ALPP: variants seen among roughly 807,000 people sequenced by gnomAD.
The protein encoded by ALPP is alkaline phosphatase, placental.
Under a neutral mutation model 50.7 loss-of-function variants are expected in ALPP, and 39 were observed. The observed-to-expected ratio is 0.77, with a 90% CI of 0.60 to 1.00. ALPP has a LOEUF of 1.00. Among genes scored for constraint, ALPP ranks in the 50% least tolerant of loss-of-function variants. The pLI is 0.00. For missense variants in ALPP, 550 were observed against 746.8 expected (o/e 0.74, Z 3.07); for synonymous variants, 226 against 320.3 (o/e 0.71, Z 3.14).
At position 232,379,217 on chromosome 2, in the gene ALPP, G is replaced by A; in HGVS notation, c.211G>A (p.Val71Met). ...FLGDGMGVST[V>M]TAARILKGQK... Reference sequence around the variant, plus strand: ...TCCTTCAGGGATGGGGGTGTCTACGGTGACAGCTGCCAGGATCCTAAAAGG... The same window carrying A: ...TCCTTCAGGGATGGGGGTGTCTACGATGACAGCTGCCAGGATCCTAAAAGG... Residue 71 changes from valine to methionine, a missense_variant, in exon 3 of 11, where the codon GTG becomes ATG. Transcript: ENST00000392027. The A allele has an allele frequency of 6.2e-7, 1 of 1,614,098 alleles. No individual in the cohort carries two copies. The highest frequency in any genetic ancestry group is 8.5e-7 in the Non-Finnish European group (1 of 1,180,012).
chr2:232,382,005 A>C lies in ALPP; in HGVS notation c.*210A>C. On this transcript the variant is annotated 3_prime_UTR_variant, in exon 11 of 11. Transcript: ENST00000392027. ...TGGCTGCTCTCGGACTCCCTACCCC[A>C]ACCCCAGGGACTGCAGGTTGTGCCC... 2.4e-6 allele frequency: 2 copies of C among 822,500 alleles called. No homozygotes were observed. Among genetic ancestry groups the C allele is most frequent in the Non-Finnish European group, 3.7e-6 (2 of 543,418 alleles). The allele number at this position is 822,500 out of a possible 1,614,324, so 51.0% of individuals were successfully genotyped here.
At position 232,382,326 on chromosome 2, in the gene ALPP, CACCCCTGT is replaced by C. The variant is rs1696733854; in HGVS notation, c.*537_*544del. 6.2e-6 allele frequency: 1 copy of C among 161,448 alleles called. No individual in the cohort carries two copies. Among genetic ancestry groups the C allele is most frequent in the African/African-American group, 2.4e-5 (1 of 41,504 alleles). The allele number at this position is 161,448 out of a possible 1,614,324, so 10.0% of individuals were successfully genotyped here. The stretch of plus-strand genomic sequence containing the variant: ...GCTGCCCCCCACTAAGCTAATTCCA[CACCCCTGT>C]ACCCCCCCAGGGGGCCCTCTGCCTC... On this transcript the variant is annotated 3_prime_UTR_variant, in exon 11 of 11. Coordinates refer to ENST00000392027, the MANE Select transcript of ALPP (RefSeq NM_001632.5).
rs553983826 is a variant in ALPP at position 232,381,638 on chromosome 2, T to A, written c.1451T>A (p.Met484Lys). The change falls in exon 11 of 11, where the codon ATG becomes AAG. Residue 484 changes from methionine to lysine, a missense_variant. By Grantham distance (95) the Met-to-Lys change is moderately conservative. Transcript: ENST00000392027. ...VQEQTFIAHV[M>K]AFAACLEPYT... is the part of the protein sequence containing the mutation. ...GAGCAGACCTTCATAGCGCACGTCA[T>A]GGCCTTCGCCGCCTGCCTGGAGCCC... The A allele has an allele frequency of 1.2e-6, 2 of 1,611,924 alleles. No individual in the cohort carries two copies. Among genetic ancestry groups the A allele is most frequent in the Non-Finnish European group, 1.7e-6 (2 of 1,179,470 alleles).
rs542651128 is a variant in ALPP, at chr2:232,379,941, G to A, written c.657+5G>A. On this transcript the variant is annotated splice_donor_5th_base_variant and intron_variant, in intron 5 of 10. Transcript: ENST00000392027. ...ATCTCCAACATGGACATTGACGTGCGACCCCCAGGCCAAGGGCTGGGGCTG... is the reference window on the plus strand; with the variant it reads ...ATCTCCAACATGGACATTGACGTGCAACCCCCAGGCCAAGGGCTGGGGCTG... 18 of 1,600,568 alleles carry A rather than the reference G, an allele frequency of 1.1e-5. No homozygotes were observed. Among genetic ancestry groups the A allele is most frequent in the East Asian group, 6.7e-5 (3 of 44,808 alleles).
rs1375318458 is a variant in ALPP at position 232,381,850 on chromosome 2, C to T, written c.*55C>T. On this transcript the variant is annotated 3_prime_UTR_variant, in exon 11 of 11. Coordinates refer to ENST00000392027, the MANE Select transcript of ALPP (RefSeq NM_001632.5). ...CATCCCGGAGTTCTCCTGCTCCCCA[C>T]CTCCTGTCGTCCTGCCTGGCCTCCA... is the stretch of plus-strand genomic sequence containing the variant. 3 of 1,511,866 alleles carry T rather than the reference C, an allele frequency of 2.0e-6. No homozygotes were observed. Among genetic ancestry groups the T allele is most frequent in the African/African-American group, 1.4e-5 (1 of 72,858 alleles). 93.7% of individuals were successfully genotyped at this position (1,511,866 alleles called of 1,614,324 possible).
chr2:232,380,482 C>A lies in ALPP; in HGVS notation c.855C>A (p.Thr285=), dbSNP rs372368625. ...LMQASLDPSV[T]HLMGLFEPGD... is the part of the protein sequence containing the mutation. ...AGGCTTCCCTGGACCCGTCTGTGAC[C>A]CATCTCATGGGTAATGACCCCCTTC... Residue 285 remains threonine (T), a synonymous_variant, in exon 7 of 11, where the codon ACC becomes ACA. Coordinates refer to ENST00000392027, the MANE Select transcript of ALPP (RefSeq NM_001632.5). 1.9e-6 allele frequency: 3 copies of A among 1,613,952 alleles called. No homozygotes were observed. The highest frequency in any genetic ancestry group is 2.5e-6 in the Non-Finnish European group (3 of 1,179,976).
Position 232,381,358 on chromosome 2 carries a change from A to G in ALPP, c.1300A>G (p.Ser434Gly). 1 of 1,614,138 alleles carries G rather than the reference A, an allele frequency of 6.2e-7. No homozygotes were observed. The highest frequency in any genetic ancestry group is 8.5e-7 in the Non-Finnish European group (1 of 1,180,024). Reference sequence around the variant, plus strand: ...CGGCGCCCGGCCGGATGTTACCGAGAGCGAGAGCGGTGAGTGCCGCGGGGT... The same window carrying G: ...CGGCGCCCGGCCGGATGTTACCGAGGGCGAGAGCGGTGAGTGCCGCGGGGT... ...KDGARPDVTE[S>G]ESGSPEYRQQ... The change falls in exon 10 of 11, where the codon AGC becomes GGC. Residue 434 changes from serine (S) to glycine (G), a missense_variant. This residue lies in a region of ALPP where 155 missense variants were observed against 167.6 expected (regional missense o/e 0.92). Transcript: ENST00000392027.
chr2:232,382,694 T>C lies in ALPP; in HGVS notation c.*899T>C, dbSNP rs564500599. 1.3e-5 allele frequency: 2 copies of C among 152,252 alleles called. No homozygotes were observed. Among genetic ancestry groups the C allele is most frequent in the South Asian group, 4.2e-4 (2 of 4,780 alleles). The allele number at this position is 152,252 out of a possible 1,614,324, so 9.4% of individuals were successfully genotyped here. A position where few individuals can be genotyped will look rare whatever the true frequency, so the allele number is the denominator to read the frequency against. ...CTGGCTAACACGGTGAAACCCCTTA[T>C]CTATGCGCCTGTAGTCCCAGCTACC... On this transcript the variant is annotated 3_prime_UTR_variant, in exon 11 of 11. Coordinates refer to ENST00000392027, the MANE Select transcript of ALPP (RefSeq NM_001632.5).
chr2:232,380,024 C>A lies in ALPP; in HGVS notation c.657+88C>A, dbSNP rs1234263298. 31 of 1,561,560 alleles carry A rather than the reference C, an allele frequency of 2.0e-5. 1 individual carries two copies. Among genetic ancestry groups the A allele is most frequent in the South Asian group, 1.7e-4 (14 of 81,448 alleles). On this transcript the variant is annotated intron_variant, in intron 5 of 10. Coordinates refer to ENST00000392027, the MANE Select transcript of ALPP (RefSeq NM_001632.5). ...AGACCCAGGCAACCAAAAGCCTTAT[C>A]TGGGCCAGCAGGGTCTGGAGGTGGG...
Position 232,379,865 on chromosome 2 carries a change from G to C in ALPP, c.586G>C (p.Val196Leu). 6.2e-7 allele frequency: 1 copy of C among 1,613,430 alleles called. No homozygotes were observed. Among genetic ancestry groups the C allele is most frequent in the East Asian group, 2.2e-5 (1 of 44,878 alleles). The change falls in exon 5 of 11, where the codon GTG becomes CTG. Residue 196 changes from valine (V) to leucine (L), a missense_variant. Coordinates refer to ENST00000392027, the MANE Select transcript of ALPP (RefSeq NM_001632.5). ...VNRNWYSDAD[V>L]PASARQEGCQ... ...CCGCAACTGGTACTCGGACGCCGAC[G>C]TGCCTGCCTCCGCCCGCCAGGAGGG... is the stretch of plus-strand genomic sequence containing the variant.
rs769343079 is a variant in ALPP at position 232,381,675 on chromosome 2, C to A, written c.1488C>A (p.Cys496Ter). Residue 496 changes from cysteine to a stop codon, truncating the protein, a stop_gained, in exon 11 of 11, where the codon TGC (cysteine) becomes TGA (stop). Transcript: ENST00000392027. LOFTEE classifies it low-confidence loss of function (END_TRUNC). ...FAACLEPYTA[C>*]DLAPPAGTTD... Reference sequence around the variant, plus strand: ...CCTGCCTGGAGCCCTACACCGCCTGCGACCTGGCGCCCCCCGCCGGCACCA... The same window carrying A: ...CCTGCCTGGAGCCCTACACCGCCTGAGACCTGGCGCCCCCCGCCGGCACCA... 1.2e-6 allele frequency: 2 copies of A among 1,609,132 alleles called. No individual in the cohort carries two copies. Among genetic ancestry groups the A allele is most frequent in the Non-Finnish European group, 1.7e-6 (2 of 1,178,574 alleles).
At chr2:232,381,442 C>G in intron 10 of ALPP, 55 bp from the exon 11 acceptor site, 1 of 1,612,328 alleles carries the variant, frequency 6.2e-7, no homozygotes, top group East Asian at 2.2e-5. Flanking sequence ...GGGGTCACCT[C>G]CTGTCTGCCT....
chr2:232,380,066 G>A (rs1164038690), intron 5 of ALPP, 120 bp from the exon 6 acceptor site: 18 of 1,575,702 alleles, frequency 1.1e-5, no homozygotes, highest in Non-Finnish European at 1.4e-5. Context: ...GGCGTAGAAG[G>A]TGCAGCCCAG....
Position 232,381,972 on chromosome 2 carries a change from C to A in ALPP, c.*177C>A. 9.2e-7 allele frequency: 1 copy of A among 1,081,400 alleles called. No homozygotes were observed. Among genetic ancestry groups the A allele is most frequent in the Non-Finnish European group, 1.3e-6 (1 of 777,178 alleles). 67.0% of individuals were successfully genotyped at this position (1,081,400 alleles called of 1,614,324 possible). On this transcript the variant is annotated 3_prime_UTR_variant, in exon 11 of 11. Transcript: ENST00000392027. ...GGGGACTGAGCCCATGACACCAAAC[C>A]TGCCCCTTGGCTGCTCTCGGACTCC...
intron 9 of ALPP, 75 bp from the exon 10 acceptor site, chr2:232,381,176 C>T (rs1696702474): frequency 6.2e-7 from 1 of 1,607,410 alleles, no homozygotes; most frequent in Non-Finnish European, 8.5e-7. Flanking sequence ...CCAGGCAAAA[C>T]GTGGCGGTGC....
At position 232,381,758 on chromosome 2, in the gene ALPP, G is replaced by A. The variant is rs1331990478; in HGVS notation, c.1571G>A (p.Gly524Glu). 11 of 1,591,826 alleles carry A rather than the reference G, an allele frequency of 6.9e-6. 1 individual carries two copies. Among genetic ancestry groups the A allele is most frequent in the South Asian group, 4.5e-5 (4 of 88,966 alleles). ...VVPALLPLLA[G>E]TLLLLETATA... Reference sequence around the variant, plus strand: ...CCCGCGTTGCTTCCTCTGCTGGCCGGGACCCTGCTGCTGCTGGAGACGGCC... The same window carrying A: ...CCCGCGTTGCTTCCTCTGCTGGCCGAGACCCTGCTGCTGCTGGAGACGGCC... Residue 524 changes from glycine to glutamate, a missense_variant, in exon 11 of 11, where the codon GGG becomes GAG. Physicochemically the swap from Gly to Glu is moderately conservative, Grantham distance 98. Transcript: ENST00000392027.
At chr2:232,379,971 G>A (rs1226313547) in intron 5 of ALPP, 35 bp downstream of exon 5, 3 of 1,581,462 alleles carry the variant, frequency 1.9e-6, no homozygotes, top group East Asian at 2.2e-5. Flanking sequence ...GGGCTGGGCA[G>A]AGAGTAGCAG....
chr2:232,379,275 C>CTT lies in ALPP; in HGVS notation c.269_270insTT (p.Leu91SerfsTer18), dbSNP rs1696658174. 3.1e-6 allele frequency: 5 copies of CTT among 1,613,942 alleles called. No individual in the cohort carries two copies. Among genetic ancestry groups the CTT allele is most frequent in the South Asian group, 2.2e-5 (2 of 91,074 alleles). On this transcript the variant is annotated frameshift_variant, in exon 3 of 11. Transcript: ENST00000392027. LOFTEE classifies it high-confidence loss of function. ...AAGGACAAACTGGGGCCTGAGATACCCCTGGCCATGGACCGCTTCCCATAT... is the reference window on the plus strand; with the variant it reads ...AAGGACAAACTGGGGCCTGAGATACCTTCCTGGCCATGGACCGCTTCCCATAT...
At position 232,382,698 on chromosome 2, in the gene ALPP, T is replaced by G. The variant is rs1266557622; in HGVS notation, c.*903T>G. 5 of 152,308 alleles carry G rather than the reference T, an allele frequency of 3.3e-5. No homozygotes were observed. Among genetic ancestry groups the G allele is most frequent in the Admixed American group, 6.5e-5 (1 of 15,298 alleles). 9.4% of individuals were successfully genotyped at this position (152,308 alleles called of 1,614,324 possible). On this transcript the variant is annotated 3_prime_UTR_variant, in exon 11 of 11. Coordinates refer to ENST00000392027, the MANE Select transcript of ALPP (RefSeq NM_001632.5). The stretch of plus-strand genomic sequence containing the variant: ...CTAACACGGTGAAACCCCTTATCTA[T>G]GCGCCTGTAGTCCCAGCTACCCAGG...
Sources: gnomAD v4.1 joint callset for allele counts on GRCh38, gnomAD v4.1.1 for gene constraint, gnomAD v4.1.1 regional missense constraint, MANE v1.5 for transcripts, NCBI Gene and HGNC (gene_info 2026-07-23, HGNC 2026-07-21) for gene names.